Variants in SIL1 observed in about 807,000 individuals in gnomAD.
SIL1 encodes nucleotide exchange factor SIL1.
Under a neutral mutation model 49.1 loss-of-function variants are expected in SIL1, and 40 were observed. That is an observed-to-expected ratio of 0.81 (90% CI 0.63 to 1.06). The LOEUF (loss-of-function observed/expected upper bound fraction) is 1.06, where lower values mean the gene tolerates loss of function less well. Among genes scored for constraint, SIL1 ranks in the 50% least tolerant of loss-of-function variants. SIL1 has a pLI of 0.00. For synonymous variants in SIL1, 253 were observed against 250.8 expected (o/e 1.01, Z -0.08); for missense variants, 500 against 572.6 (o/e 0.87, Z 1.29).
rs201261974 is a variant in SIL1, at chr5:139,121,094, A to T, written c.185T>A (p.Leu62Gln). 6.7e-5 allele frequency: 108 copies of T among 1,614,168 alleles called. No individual in the cohort carries two copies. The Admixed American group carries it at 6.8e-4, about 10-fold the overall frequency. Reference protein sequence around the residue: ...ERKETKAEEELDAEVLEVFHP... With the variant: ...ERKETKAEEEQDAEVLEVFHP... ...GAACACCTCCAGGACTTCGGCATCC[A>T]GCTCCTCCTCGGCTTTGGTTTCTTT... is the stretch of plus-strand genomic sequence containing the variant. Residue 62 changes from leucine to glutamine, a missense_variant, in exon 3 of 10, where the codon CTG becomes CAG. By Grantham distance (113) the Leu-to-Gln change is moderately radical. Transcript: ENST00000394817.
chr5:138,964,615 A>C (rs1453238095), intron 7 of SIL1, among the ~76,000 whole-genome samples: 1 of 152,208 alleles, frequency 6.6e-6, no homozygotes, highest in Admixed American at 6.5e-5. Flanking sequence ...TCAAATACCA[A>C]AGAAAAAGTT....
chr5:138,952,603 G>A (rs1033515245), intron 7 of SIL1, among the ~76,000 whole-genome samples: 5 of 152,250 alleles, frequency 3.3e-5, no homozygotes, highest in Non-Finnish European at 5.9e-5. Flanking sequence ...ATGAATGAAC[G>A]ACTGAACGAA....
chr5:139,078,128 A>C (rs1168767590), intron 3 of SIL1, among the ~76,000 whole-genome samples: 1 of 152,046 alleles, frequency 6.6e-6, no homozygotes, highest in Non-Finnish European at 1.5e-5. Flanking sequence ...CTTTTCTTTG[A>C]CCAATCTCAC....
At chr5:139,007,088 A>G (rs1225553827) in intron 7 of SIL1, among the ~76,000 whole-genome samples, 7 of 135,148 alleles carry the variant, frequency 5.2e-5, no homozygotes, top group Non-Finnish European at 1.1e-4. Flanking sequence ...CTTCCTACCC[A>G]TGAGCATGGA....
At chr5:139,078,768 A>C (rs1437901654) in intron 3 of SIL1, among the ~76,000 whole-genome samples, 2 of 152,264 alleles carry the variant, frequency 1.3e-5, no homozygotes, top group Non-Finnish European at 2.9e-5. Flanking sequence ...TTCAATTAAC[A>C]AAACTGCCAA....
chr5:139,024,870 G>T (rs957634576), intron 6 of SIL1, among the ~76,000 whole-genome samples: 3 of 152,156 alleles, frequency 2.0e-5, no homozygotes, highest in Non-Finnish European at 4.4e-5. Flanking sequence ...ATCTCTCTGA[G>T]CTGTATGTAC....
chr5:139,031,996 T>A (rs1768803989), intron 5 of SIL1, among the ~76,000 whole-genome samples: 1 of 152,224 alleles, frequency 6.6e-6, no homozygotes, highest in East Asian at 1.9e-4. Flanking sequence ...ACTTATTAAT[T>A]CTAGAAGACT....
intron 1 of SIL1, among the ~76,000 whole-genome samples, chr5:139,157,363 T>C (rs1295938252): frequency 2.6e-5 from 4 of 152,046 alleles, no homozygotes; most frequent in Non-Finnish European, 5.9e-5. Context: ...GTTTGGAAGG[T>C]ATCAGACCAC....
intron 3 of SIL1, among the ~76,000 whole-genome samples, chr5:139,114,561 AGTCG>A: frequency 6.6e-6 from 1 of 152,214 alleles, no homozygotes; most frequent in South Asian, 2.1e-4. Flanking sequence ...AGATGCTCAG[AGTCG>A]AGAATGCTTA....
Position 139,122,723 on chromosome 5 carries a change from C to T in SIL1, c.106-1550G>A, listed in dbSNP as rs536265340. On this transcript the variant is annotated intron_variant, in intron 2 of 9. Coordinates refer to ENST00000394817, the MANE Select transcript of SIL1 (RefSeq NM_022464.5). ...CTGGTGATGCCAATGTAGAGCCCCT[C>T]CAAGAATTTTTACATTTTAACAAGA... 2.0e-5 allele frequency among the ~76,000 whole-genome samples: 3 copies of T among 152,218 alleles called. No homozygotes were observed. In the East Asian group the frequency reaches 5.8e-4, roughly 29 times the overall value.
intron 1 of SIL1, among the ~76,000 whole-genome samples, chr5:139,139,759 G>A (rs1218565138): frequency 1.3e-5 from 2 of 152,258 alleles, no homozygotes; most frequent in Admixed American, 1.3e-4. Flanking sequence ...GGCTGAGGCA[G>A]GTGGATCACA....
intron 1 of SIL1, among the ~76,000 whole-genome samples, chr5:139,181,559 G>A (rs1751984180): frequency 6.6e-6 from 1 of 152,162 alleles, no homozygotes; most frequent in African/African-American, 2.4e-5. Flanking sequence ...GAGTCATTCT[G>A]CCTGGTTCCC....
intron 1 of SIL1, among the ~76,000 whole-genome samples, chr5:139,176,112 C>A (rs1378844974): frequency 6.6e-6 from 1 of 152,166 alleles, no homozygotes; most frequent in South Asian, 2.1e-4. Flanking sequence ...CCTCCCACAT[C>A]GGCCTCCCAA....
chr5:139,078,060 C>T (rs1769992760), intron 3 of SIL1, among the ~76,000 whole-genome samples: 1 of 152,120 alleles, frequency 6.6e-6, no homozygotes, highest in African/African-American at 2.4e-5. Flanking sequence ...TGTATTTTTC[C>T]ATGCAAAATC....
chr5:139,119,969 T>A (rs1750587033), intron 3 of SIL1, among the ~76,000 whole-genome samples: 2 of 152,120 alleles, frequency 1.3e-5, no homozygotes, highest in Non-Finnish European at 2.9e-5. Flanking sequence ...TCCTAAAAGT[T>A]CCCTCTGCTC....
At chr5:138,964,055 G>A (rs1767083007) in intron 7 of SIL1, among the ~76,000 whole-genome samples, 2 of 152,238 alleles carry the variant, frequency 1.3e-5, no homozygotes. Context: ...CACCAGACCG[G>A]AATGGGAACC....
intron 4 of SIL1, among the ~76,000 whole-genome samples, chr5:139,045,193 C>CA (rs1447768325): frequency 1.3e-5 from 2 of 151,900 alleles, no homozygotes; most frequent in African/African-American, 2.4e-5. Context: ...TCTGTCTCTA[C>CA]AAAAAAATTG....
At chr5:138,994,727 A>G (rs1307091949) in intron 7 of SIL1, among the ~76,000 whole-genome samples, 1 of 152,184 alleles carries the variant, frequency 6.6e-6, no homozygotes, top group East Asian at 1.9e-4. Flanking sequence ...TCCGGGACAC[A>G]CGTACAGGAC....
chr5:139,083,258 T>A (rs1267169562), intron 3 of SIL1, among the ~76,000 whole-genome samples: 3 of 152,242 alleles, frequency 2.0e-5, no homozygotes, highest in African/African-American at 7.2e-5. Context: ...TGCTTTATGT[T>A]TTCTCATCAC....
Sources: allele counts gnomAD v4.1 joint callset (sites outside exome capture counted in the v4.1 genomes callset), GRCh38; gene constraint gnomAD v4.1.1; transcripts MANE v1.5; gene names NCBI Gene and HGNC (gene_info 2026-07-23, HGNC 2026-07-21).